Variants in MIPOL1 observed in about 807,000 individuals in gnomAD.
MIPOL1 encodes mirror-image polydactyly gene 1 protein.
Under a neutral mutation model 60.9 loss-of-function variants are expected in MIPOL1, and 57 were observed. That is an observed-to-expected ratio of 0.94 (90% confidence interval 0.76 to 1.17). The LOEUF is 1.17. Ranked by LOEUF, MIPOL1 falls within the 50% of genes most tolerant of loss-of-function variation. MIPOL1 has a pLI of 0.00. For synonymous variants in MIPOL1, 179 were observed against 168.8 expected (o/e 1.06, Z -0.47); for missense variants, 551 against 511.6 (o/e 1.08, Z -0.74).
chr14:37,320,482 C>A (rs1490625688), intron 9 of MIPOL1, among the ~76,000 whole-genome samples: 1 of 151,794 alleles, frequency 6.6e-6, no homozygotes, highest in African/African-American at 2.4e-5. Context: ...AGGCTATTGT[C>A]CATTATTAAA....
At chr14:37,356,511 T>TGCCGCCTTGCA (rs1193504245) in intron 9 of MIPOL1, among the ~76,000 whole-genome samples, 6 of 152,304 alleles carry the variant, frequency 3.9e-5, no homozygotes, top group African/African-American at 1.4e-4. Context: ...CCAGCCTCGC[T>TGCCGCCTTGCA]GCCGCCTTGC....
Position 37,452,165 on chromosome 14 carries a change from GAA to G in MIPOL1, c.1031+29218_1031+29219del, listed in dbSNP as rs202087179. Among the ~76,000 whole-genome samples the G allele has an allele frequency of 3.8e-3, 583 of 152,222 alleles. 3 individuals carry two copies. The highest frequency in any genetic ancestry group is 6.5e-3 in the Non-Finnish European group (441 of 68,000). ...GACCATTAAAGATTTGAGATGAAAA[GAA>G]AGAGATATGGCTACTAAAAAGTCTC... is the stretch of plus-strand genomic sequence containing the variant. On this transcript the variant is annotated intron_variant, in intron 11 of 12. Coordinates refer to ENST00000684589, the MANE Select transcript of MIPOL1 (RefSeq NM_001388067.1).
At chr14:37,389,675 G>T (rs916426807) in intron 10 of MIPOL1, among the ~76,000 whole-genome samples, 1 of 149,252 alleles carries the variant, frequency 6.7e-6, no homozygotes, top group African/African-American at 2.5e-5. Flanking sequence ...CTTTTATCTC[G>T]TAGGCATGTG....
chr14:37,285,508 G>A (rs2084480314), intron 7 of MIPOL1, 61 bp downstream of exon 7: 5 of 1,526,248 alleles, frequency 3.3e-6, no homozygotes, highest in African/African-American at 1.4e-5. Context: ...CATGCTTTAG[G>A]TGGTAGTTAC....
At chr14:37,404,624 A>G (rs774126567) in intron 10 of MIPOL1, among the ~76,000 whole-genome samples, 1 of 152,188 alleles carries the variant, frequency 6.6e-6, no homozygotes, top group African/African-American at 2.4e-5. Flanking sequence ...ACTCTAATAT[A>G]TCACCGTTAC....
intron 6 of MIPOL1, among the ~76,000 whole-genome samples, chr14:37,274,940 G>C (rs2083541744): frequency 6.6e-6 from 1 of 151,136 alleles, no homozygotes; most frequent in Admixed American, 6.6e-5. Context: ...ATATAGATAA[G>C]TATGGGATAG....
At position 37,498,406 on chromosome 14, in the gene MIPOL1, TTTTC is replaced by T. The variant is rs996426769; in HGVS notation, c.1032-1487_1032-1484del. On this transcript the variant is annotated intron_variant, in intron 11 of 12. Transcript: ENST00000684589. The stretch of plus-strand genomic sequence containing the variant: ...GGTTTAGCTTTTAGTTTGTTTCTTC[TTTTC>T]TTTCTTTCTTTCTTGCATCTTTCAT... 2.6e-4 allele frequency among the ~76,000 whole-genome samples: 39 copies of T among 152,260 alleles called. No homozygotes were observed. In the East Asian group the frequency reaches 3.1e-3, roughly 12 times the overall value.
chr14:37,262,321 G>C (rs2082570246), intron 3 of MIPOL1, among the ~76,000 whole-genome samples: 1 of 151,830 alleles, frequency 6.6e-6, no homozygotes, highest in Non-Finnish European at 1.5e-5. Context: ...TAAAAAAAAA[G>C]TTTTTGCCCA....
Position 37,251,686 on chromosome 14 carries a change from CAT to C in MIPOL1, c.19+3781_19+3782del, listed in dbSNP as rs572426808. On this transcript the variant is annotated intron_variant, in intron 3 of 12. Coordinates refer to ENST00000684589, the MANE Select transcript of MIPOL1 (RefSeq NM_001388067.1). ...ATACATAACTATGTAAGAAAAAAGA[CAT>C]AGAGATCGTAAATCTTATATGAATA... 1.5e-4 allele frequency among the ~76,000 whole-genome samples: 23 copies of C among 151,970 alleles called. No homozygotes were observed. In the East Asian group the frequency reaches 3.5e-3, roughly 23 times the overall value.
chr14:37,207,967 G>C (rs1005247623), intron 1 of MIPOL1, among the ~76,000 whole-genome samples: 1 of 152,100 alleles, frequency 6.6e-6, no homozygotes, highest in Non-Finnish European at 1.5e-5. Flanking sequence ...AGCTGGCAAC[G>C]TAAAGAAATT....
intron 10 of MIPOL1, among the ~76,000 whole-genome samples, chr14:37,377,370 A>G (rs1041924573): frequency 6.6e-5 from 10 of 152,046 alleles, no homozygotes; most frequent in African/African-American, 2.2e-4. Context: ...CTCCCTTCTT[A>G]TTACATGCTG....
intron 10 of MIPOL1, among the ~76,000 whole-genome samples, chr14:37,415,458 C>A (rs894319929): frequency 2.7e-5 from 4 of 150,870 alleles, no homozygotes; most frequent in African/African-American, 9.7e-5. Flanking sequence ...CCTGTCTCTA[C>A]TAAAAAAAAA....
At chr14:37,255,728 G>T (rs1023583280) in intron 3 of MIPOL1, among the ~76,000 whole-genome samples, 2 of 151,744 alleles carry the variant, frequency 1.3e-5, no homozygotes, top group Non-Finnish European at 3.0e-5. Context: ...GTAAATGATT[G>T]AATTAAAAAT....
intron 3 of MIPOL1, among the ~76,000 whole-genome samples, chr14:37,248,628 A>G (rs979930760): frequency 2.6e-5 from 4 of 152,036 alleles, no homozygotes; most frequent in South Asian, 2.1e-4. Flanking sequence ...ATCTATATCT[A>G]TATCTATATA....
intron 12 of MIPOL1, among the ~76,000 whole-genome samples, chr14:37,510,897 C>G (rs924987540): frequency 7.2e-5 from 11 of 152,132 alleles, no homozygotes; most frequent in African/African-American, 2.7e-4. Context: ...CCCTCCCTCC[C>G]CTCACTGCCA....
intron 1 of MIPOL1, among the ~76,000 whole-genome samples, chr14:37,206,568 C>T (rs147506954): frequency 2.0e-3 from 297 of 152,280 alleles, no homozygotes; most frequent in Non-Finnish European, 3.0e-3. Context: ...AAGGGGGCCA[C>T]CATCCTCCAG....
intron 1 of MIPOL1, among the ~76,000 whole-genome samples, chr14:37,200,727 C>T (rs569987297): frequency 2.8e-5 from 4 of 143,332 alleles, no homozygotes; most frequent in Admixed American, 2.1e-4. Flanking sequence ...TGGGCCATAG[C>T]GTACTAACCC....
At chr14:37,511,365 T>C (rs2095326489) in intron 12 of MIPOL1, among the ~76,000 whole-genome samples, 1 of 152,164 alleles carries the variant, frequency 6.6e-6, no homozygotes, top group South Asian at 2.1e-4. Flanking sequence ...GATTTAGCTT[T>C]TAGATTGCTG....
intron 9 of MIPOL1, among the ~76,000 whole-genome samples, chr14:37,337,350 ATATATATTTTTTTTTTTTT>A (rs1201907187): frequency 5.1e-4 from 19 of 37,378 alleles, no homozygotes; most frequent in Admixed American, 2.3e-3. Context: ...ATATATATAT[ATATATATTTTTTTTTTTTT>A]TTTTTTTTTT....
Sources: gnomAD v4.1 joint callset for allele counts (sites outside exome capture counted in the v4.1 genomes callset) on GRCh38, gnomAD v4.1.1 for gene constraint, MANE v1.5 for transcripts, NCBI Gene and HGNC (gene_info 2026-07-23, HGNC 2026-07-21) for gene names.